The following CNTNAP4 variants were observed in gnomAD, a reference collection of about 807,000 sequenced individuals.
CNTNAP4 encodes contactin-associated protein-like 4.
A neutral mutation model predicts 148.4 loss-of-function variants in CNTNAP4; 98 were observed. The ratio of observed to expected loss-of-function variants is 0.66; its 90% confidence interval spans 0.56 to 0.78. CNTNAP4 has a LOEUF of 0.78. Ranked by LOEUF, CNTNAP4 falls within the 30% of genes least tolerant of loss-of-function variation. The pLI is 0.00. For missense variants in CNTNAP4, 1,935 were observed against 1,565.6 expected (o/e 1.24, Z -3.98); for synonymous variants, 730 against 565.1 (o/e 1.29, Z -4.14).
chr16:76,504,277 G>T (rs566985499), intron 15 of CNTNAP4, among the ~76,000 whole-genome samples: 1 of 151,944 alleles, frequency 6.6e-6, no homozygotes, highest in South Asian at 2.1e-4. Context: ...AGAATAGAGA[G>T]CCCAAAAATA....
rs150161115 is a variant in CNTNAP4 at position 76,437,246 on chromosome 16, G to T, written c.538+9647G>T. ...TTAGTTGGTGCCCACCCAGATTAAG[G>T]GTGGGTCTGCCTTCCCCAGCCCACT... On this transcript the variant is annotated intron_variant, in intron 4 of 23. Transcript: ENST00000611870. Among the ~76,000 whole-genome samples the T allele has an allele frequency of 1.5e-3, 227 of 151,998 alleles. 1 individual carries two copies. The highest frequency in any genetic ancestry group is 6.8e-3 in the Middle Eastern group (2 of 294).
At chr16:76,526,431 C>G (rs1280342876) in intron 17 of CNTNAP4, among the ~76,000 whole-genome samples, 1 of 152,046 alleles carries the variant, frequency 6.6e-6, no homozygotes, top group African/African-American at 2.4e-5. Flanking sequence ...TTCAAGCTCT[C>G]TCTTACTACC....
At chr16:76,467,595 G>GA in intron 10 of CNTNAP4, 72 bp downstream of exon 10, 1 of 1,222,860 alleles carries the variant, frequency 8.2e-7, no homozygotes, top group South Asian at 1.6e-5. Flanking sequence ...TGTATAAGAT[G>GA]AACAATTATT....
At chr16:76,421,064 T>C (rs1181079596) in intron 3 of CNTNAP4, among the ~76,000 whole-genome samples, 1 of 152,020 alleles carries the variant, frequency 6.6e-6, no homozygotes, top group Non-Finnish European at 1.5e-5. Flanking sequence ...ACAGCCAAGT[T>C]TGCATCTTTC....
At chr16:76,449,981 T>C (rs553099804) in intron 7 of CNTNAP4, 123 bp downstream of exon 7, 2 of 790,948 alleles carry the variant, frequency 2.5e-6, no homozygotes, top group South Asian at 4.0e-5. Flanking sequence ...TAAATATTTT[T>C]CTTTGATTGG....
chr16:76,531,755 C>T (rs7500033), intron 17 of CNTNAP4, among the ~76,000 whole-genome samples: 151,770 of 152,292 alleles, frequency 1, 75,625 homozygotes, highest in Middle Eastern at 1. Flanking sequence ...AATAAAGTTA[C>T]TGACTTGAAA....
At chr16:76,402,596 G>A (rs771115540) in intron 3 of CNTNAP4, among the ~76,000 whole-genome samples, 13 of 152,010 alleles carry the variant, frequency 8.6e-5, no homozygotes, top group Non-Finnish European at 1.3e-4. Flanking sequence ...TCTTCTGTTA[G>A]CTTTGGGGTT....
At chr16:76,453,220 G>T (rs947908345) in intron 8 of CNTNAP4, among the ~76,000 whole-genome samples, 2 of 152,166 alleles carry the variant, frequency 1.3e-5, no homozygotes, top group Admixed American at 6.5e-5. Context: ...CTGTATGAGT[G>T]TACAGTGTGA....
At chr16:76,312,952 A>T (rs1233150765) in intron 1 of CNTNAP4, among the ~76,000 whole-genome samples, 2 of 152,184 alleles carry the variant, frequency 1.3e-5, no homozygotes, top group Non-Finnish European at 2.9e-5. Context: ...ATCATTGTAA[A>T]ATAAACATAC....
chr16:76,421,539 T>A (rs2079190395), intron 3 of CNTNAP4, among the ~76,000 whole-genome samples: 1 of 152,146 alleles, frequency 6.6e-6, no homozygotes, highest in African/African-American at 2.4e-5. Context: ...CAGTAGTTCT[T>A]ATTTCTGTTT....
chr16:76,521,108 ATTT>A (rs559104822), intron 15 of CNTNAP4, 29 bp from the exon 16 acceptor site: 1 of 1,478,340 alleles, frequency 6.8e-7, no homozygotes, highest in African/African-American at 1.9e-5. Context: ...TTCTTTCTGA[ATTT>A]TTTTTTCTTT....
chr16:76,440,754 C>G (rs190899204), intron 4 of CNTNAP4, among the ~76,000 whole-genome samples: 1 of 152,062 alleles, frequency 6.6e-6, no homozygotes, highest in Admixed American at 6.6e-5. Flanking sequence ...ATGGAGATCC[C>G]AAGGGATTCT....
intron 9 of CNTNAP4, among the ~76,000 whole-genome samples, chr16:76,465,477 G>A (rs1391139801): frequency 1.3e-5 from 2 of 152,126 alleles, no homozygotes; most frequent in Non-Finnish European, 2.9e-5. Flanking sequence ...GGTTTGCTTA[G>A]CTTTGTTCCC....
chr16:76,533,465 A>T (rs1442693738), intron 17 of CNTNAP4, among the ~76,000 whole-genome samples: 1 of 152,172 alleles, frequency 6.6e-6, no homozygotes, highest in African/African-American at 2.4e-5. Context: ...GTTTCAAATA[A>T]CTAGGAAGAT....
intron 3 of CNTNAP4, among the ~76,000 whole-genome samples, chr16:76,358,231 G>A (rs74842626): frequency 2.0e-5 from 3 of 152,148 alleles, no homozygotes; most frequent in Non-Finnish European, 2.9e-5. Flanking sequence ...AGCTACTTGG[G>A]AGGCTGAGAT....
intron 12 of CNTNAP4, among the ~76,000 whole-genome samples, chr16:76,484,662 G>A (rs1439559388): frequency 6.6e-6 from 1 of 152,166 alleles, no homozygotes; most frequent in East Asian, 1.9e-4. Flanking sequence ...AAGGCTCAGG[G>A]AGGTTAAGTG....
intron 17 of CNTNAP4, among the ~76,000 whole-genome samples, chr16:76,530,508 C>T (rs918043849): frequency 6.6e-6 from 1 of 152,160 alleles, no homozygotes; most frequent in African/African-American, 2.4e-5. Context: ...CAGTGAACAA[C>T]AGCTGATTTC....
At chr16:76,536,415 C>G (rs1177825823) in intron 18 of CNTNAP4, among the ~76,000 whole-genome samples, 1 of 152,034 alleles carries the variant, frequency 6.6e-6, no homozygotes, top group Non-Finnish European at 1.5e-5. Context: ...AGGCTGGTCT[C>G]AAGTTCCCGA....
At chr16:76,321,187 T>A (rs1466214515) in intron 2 of CNTNAP4, among the ~76,000 whole-genome samples, 2 of 152,240 alleles carry the variant, frequency 1.3e-5, no homozygotes, top group Non-Finnish European at 2.9e-5. Context: ...ACCTATAGAA[T>A]TTGATATTAA....
Sources: allele counts gnomAD v4.1 joint callset (sites outside exome capture counted in the v4.1 genomes callset), GRCh38; gene constraint gnomAD v4.1.1; transcripts MANE v1.5; gene names NCBI Gene and HGNC (gene_info 2026-07-23, HGNC 2026-07-21).